FARS2: variants seen among roughly 807,000 people sequenced by gnomAD.
The protein encoded by FARS2 is phenylalanyl-tRNA synthetase 2, mitochondrial.
FARS2 carries 40 observed loss-of-function variants against 46.4 expected under a neutral mutation model. The observed-to-expected ratio is 0.86, with a 90% CI of 0.67 to 1.12. The LOEUF is 1.12. FARS2 is among the 50% of genes most tolerant of loss of function. The pLI is 0.00. For synonymous variants in FARS2, 234 were observed against 214.9 expected (o/e 1.09, Z -0.78); for missense variants, 513 against 567.9 (o/e 0.90, Z 0.98).
intron 1 of FARS2, among the ~76,000 whole-genome samples, chr6:5,271,392 T>C (rs1476981141): frequency 1.3e-5 from 2 of 152,120 alleles, no homozygotes; most frequent in African/African-American, 2.4e-5. Context: ...AGGGAGAAGA[T>C]AGGATTCTTT....
At chr6:5,676,274 T>A (rs1261776955) in intron 6 of FARS2, among the ~76,000 whole-genome samples, 2 of 152,202 alleles carry the variant, frequency 1.3e-5, no homozygotes, top group Non-Finnish European at 2.9e-5. Flanking sequence ...TATAGATGAT[T>A]TCATTTATTT....
At chr6:5,523,856 A>G (rs1179864738) in intron 4 of FARS2, among the ~76,000 whole-genome samples, 1 of 152,192 alleles carries the variant, frequency 6.6e-6, no homozygotes, top group Non-Finnish European at 1.5e-5. Context: ...AGACACATGC[A>G]AAGTTCTCCA....
At chr6:5,353,455 T>C (rs1042016070) in intron 1 of FARS2, among the ~76,000 whole-genome samples, 6 of 152,170 alleles carry the variant, frequency 3.9e-5, no homozygotes, top group Non-Finnish European at 8.8e-5. Flanking sequence ...AGTCCTATTT[T>C]TAGTTTTTTG....
chr6:5,645,549 T>C (rs1777034591), intron 6 of FARS2, among the ~76,000 whole-genome samples: 1 of 152,202 alleles, frequency 6.6e-6, no homozygotes, highest in Non-Finnish European at 1.5e-5. Flanking sequence ...TGCCTTTTGT[T>C]CAGGGCCACG....
intron 4 of FARS2, among the ~76,000 whole-genome samples, chr6:5,437,787 A>T (rs1311369809): frequency 6.6e-6 from 1 of 152,208 alleles, no homozygotes; most frequent in East Asian, 1.9e-4. Flanking sequence ...TGCATTTTTT[A>T]AAAAATTAAG....
At chr6:5,705,147 G>A (rs904183411) in intron 6 of FARS2, among the ~76,000 whole-genome samples, 2 of 152,150 alleles carry the variant, frequency 1.3e-5, no homozygotes, top group African/African-American at 2.4e-5. Context: ...CAAAATTGTG[G>A]CAGTACCATG....
chr6:5,648,137 A>T (rs1777166964), intron 6 of FARS2, among the ~76,000 whole-genome samples: 1 of 152,222 alleles, frequency 6.6e-6, no homozygotes, highest in African/African-American at 2.4e-5. Flanking sequence ...AGTCCACAAG[A>T]CCTAAGATAA....
chr6:5,496,728 C>A (rs1462293855), intron 4 of FARS2, among the ~76,000 whole-genome samples: 1 of 152,152 alleles, frequency 6.6e-6, no homozygotes, highest in East Asian at 1.9e-4. Context: ...CATCTTATGA[C>A]CTCATTTTAA....
intron 5 of FARS2, among the ~76,000 whole-genome samples, chr6:5,589,041 C>G (rs1392327833): frequency 6.6e-6 from 1 of 152,150 alleles, no homozygotes; most frequent in African/African-American, 2.4e-5. Context: ...AGACAACTGG[C>G]CCTCCATGTC....
chr6:5,323,633 C>T (rs1561957598), intron 1 of FARS2, among the ~76,000 whole-genome samples: 1 of 152,152 alleles, frequency 6.6e-6, no homozygotes, highest in Non-Finnish European at 1.5e-5. Flanking sequence ...ACTGAGAGGA[C>T]AGAATAGAAT....
At chr6:5,257,917 C>T (rs1764758886), upstream of FARS2, among the ~76,000 whole-genome samples, 1 of 152,170 alleles carries the variant, frequency 6.6e-6, no homozygotes, top group East Asian at 1.9e-4. Flanking sequence ...TGACACACAG[C>T]AATGAGACCT....
intron 1 of FARS2, among the ~76,000 whole-genome samples, chr6:5,265,388 G>C (rs761426088): frequency 6.6e-6 from 1 of 152,170 alleles, no homozygotes; most frequent in Non-Finnish European, 1.5e-5. Flanking sequence ...CCCTGTACTA[G>C]CTTTATTTTA....
chr6:5,526,860 G>A (rs1043877538), intron 4 of FARS2, among the ~76,000 whole-genome samples: 1 of 151,864 alleles, frequency 6.6e-6, no homozygotes, highest in Admixed American at 6.6e-5. Flanking sequence ...CAGATGATCC[G>A]CCCGCCTCAG....
chr6:5,769,035 T>TC (rs1390188145), intron 6 of FARS2, among the ~76,000 whole-genome samples: 4 of 152,238 alleles, frequency 2.6e-5, no homozygotes, highest in African/African-American at 9.6e-5. Context: ...TTTGGTGTCA[T>TC]CTAAGGAGGT....
intron 3 of FARS2, among the ~76,000 whole-genome samples, chr6:5,420,902 G>T (rs1206728916): frequency 6.6e-6 from 1 of 152,108 alleles, no homozygotes; most frequent in Non-Finnish European, 1.5e-5. Context: ...GGTTCTTCTT[G>T]GTTGTGGACC....
chr6:5,376,322 A>C (rs1456603094), intron 2 of FARS2, among the ~76,000 whole-genome samples: 3 of 152,232 alleles, frequency 2.0e-5, no homozygotes, highest in Admixed American at 2.0e-4. Flanking sequence ...AAGAAAATGC[A>C]AATTAAAACA....
intron 2 of FARS2, among the ~76,000 whole-genome samples, chr6:5,392,412 G>C (rs1172879331): frequency 6.6e-6 from 1 of 152,092 alleles, no homozygotes; most frequent in East Asian, 1.9e-4. Flanking sequence ...CCCATATAGT[G>C]CATGTATGAT....
intron 4 of FARS2, among the ~76,000 whole-genome samples, chr6:5,541,545 C>T (rs1770636613): frequency 1.3e-5 from 2 of 152,138 alleles, no homozygotes; most frequent in Admixed American, 1.3e-4. Context: ...TGTAGATAAT[C>T]TTTAGTGACT....
intron 6 of FARS2, among the ~76,000 whole-genome samples, chr6:5,701,448 G>A (rs566254755): frequency 2.6e-5 from 4 of 152,348 alleles, no homozygotes; most frequent in East Asian, 1.9e-4. Flanking sequence ...GAATGTGAAC[G>A]TGAAAGCATT....
Sources: allele counts gnomAD v4.1 joint callset (sites outside exome capture counted in the v4.1 genomes callset), GRCh38; gene constraint gnomAD v4.1.1; transcripts MANE v1.5; gene names NCBI Gene and HGNC (gene_info 2026-07-23, HGNC 2026-07-21).